The following ELSPBP1 variants were observed in gnomAD, a reference collection of about 807,000 sequenced individuals.
ELSPBP1 encodes the protein epididymal sperm binding protein 1.
ELSPBP1 carries 38 observed loss-of-function variants against 33.3 expected under a neutral mutation model. That is an observed-to-expected ratio of 1.14 (90% CI 0.88 to 1.50). The LOEUF (loss-of-function observed/expected upper bound fraction) is 1.50, where lower values mean the gene tolerates loss of function less well. Ranked by LOEUF, ELSPBP1 falls within the 40% of genes most tolerant of loss-of-function variation. The probability of loss-of-function intolerance (pLI) is 0.00; values close to 1 mark genes in which losing one functional copy is unlikely to be tolerated. For synonymous variants in ELSPBP1, 85 were observed against 94.1 expected, an observed-to-expected ratio of 0.90 and a Z score of 0.56; for missense variants, 267 against 263.5, an observed-to-expected ratio of 1.01 and a Z score of -0.09.
chr19:48,004,532 G>A (rs1452932962), intron 1 of ELSPBP1, among the ~76,000 whole-genome samples: 1 of 152,030 alleles, frequency 6.6e-6, no homozygotes, highest in South Asian at 2.1e-4. Flanking sequence ...TTTCCACGTC[G>A]GCTTCTCCTG....
In ELSPBP1 at chr19:47,994,769, G is replaced by C. The variant is rs1966898186; in HGVS notation, c.-60G>C. On this transcript the variant is annotated 5_prime_UTR_variant, in exon 1 of 7. Coordinates refer to ENST00000339841, the MANE Select transcript of ELSPBP1 (RefSeq NM_022142.5). The stretch of plus-strand genomic sequence containing the variant: ...GCTCTTGGGAGCAGAACCTTAAAGA[G>C]AGATCGTGGAGAGAGCCAGGGCCCA... 6.6e-6 allele frequency: 1 copy of C among 152,202 alleles called. No individual in the cohort carries two copies. The highest frequency in any genetic ancestry group is 1.5e-5 in the Non-Finnish European group (1 of 68,036). 9.4% of individuals were successfully genotyped at this position (152,202 alleles called of 1,614,324 possible). A position where few individuals can be genotyped will look rare whatever the true frequency, so the allele number is the denominator to read the frequency against.
At chr19:48,024,602 C>T (rs900121156) in intron 6 of ELSPBP1, among the ~76,000 whole-genome samples, 5 of 152,142 alleles carry the variant, frequency 3.3e-5, no homozygotes, top group Non-Finnish European at 7.4e-5. Flanking sequence ...GAACTCTGGG[C>T]ACCATCTTAA....
intron 1 of ELSPBP1, among the ~76,000 whole-genome samples, chr19:47,996,393 AT>A (rs1466554411): frequency 6.6e-6 from 1 of 152,196 alleles, no homozygotes; most frequent in African/African-American, 2.4e-5. Context: ...TGATGGATGG[AT>A]GATAAGAGGA....
intron 2 of ELSPBP1, among the ~76,000 whole-genome samples, chr19:48,012,113 T>C (rs75432196): frequency 6.6e-6 from 1 of 152,172 alleles, no homozygotes; most frequent in East Asian, 1.9e-4. Context: ...ACCGTTTTTG[T>C]TTTTTGTTTT....
At chr19:48,015,179 G>A (rs1967118914) in intron 3 of ELSPBP1, among the ~76,000 whole-genome samples, 2 of 152,142 alleles carry the variant, frequency 1.3e-5, no homozygotes, top group African/African-American at 4.8e-5. Context: ...GAGGAAATAT[G>A]TTTGCTATCC....
intron 1 of ELSPBP1, among the ~76,000 whole-genome samples, chr19:47,999,822 A>ATT (rs112563506): frequency 3.6e-5 from 5 of 137,300 alleles, no homozygotes; most frequent in African/African-American, 1.1e-4. Context: ...CACATACGTG[A>ATT]TTTTTTTTTT....
chr19:48,019,642 C>A, intron 4 of ELSPBP1, 77 bp from the exon 5 acceptor site: 2 of 1,433,982 alleles, frequency 1.4e-6, no homozygotes, highest in Non-Finnish European at 1.9e-6. Context: ...TAAAGCGTGG[C>A]ACAGTTTGTG....
chr19:48,010,959 A>G (rs2122311269), intron 2 of ELSPBP1, among the ~76,000 whole-genome samples: 1 of 152,302 alleles, frequency 6.6e-6, no homozygotes, highest in Non-Finnish European at 1.5e-5. Flanking sequence ...AGTATCCTAT[A>G]TACTCAGTGG....
In ELSPBP1 at chr19:48,008,674, C is replaced by G. The variant is rs767248894; in HGVS notation, c.7C>G (p.Arg3Gly). Residue 3 changes from arginine (R) to glycine (G), a missense_variant, in exon 2 of 7, where the codon CGA (arginine) becomes GGA (glycine). Transcript: ENST00000339841. MT[R>G]WSSYLLGWTT... is the part of the protein sequence containing the mutation. ...AGAGAAGAGGGCAGCCAAGATGACC[C>G]GATGGTCCAGTTACCTGTTGGGATG... 6.2e-7 allele frequency: 1 copy of G among 1,613,558 alleles called. No individual in the cohort carries two copies. Among genetic ancestry groups the G allele is most frequent in the Non-Finnish European group, 8.5e-7 (1 of 1,179,804 alleles).
intron 4 of ELSPBP1, among the ~76,000 whole-genome samples, chr19:48,016,488 CTTTCTTTCTTTCTTTCTT>C (rs1221026164): frequency 1.2e-5 from 1 of 84,648 alleles, no homozygotes; most frequent in African/African-American, 5.3e-5. Flanking sequence ...TTCTTTCTTT[CTTTCTTTCTTTCTTTCTT>C]TCTTTCTTTC....
chr19:48,010,107 T>C (rs1314692526), intron 2 of ELSPBP1, among the ~76,000 whole-genome samples: 2 of 152,122 alleles, frequency 1.3e-5, no homozygotes, highest in Admixed American at 6.6e-5. Flanking sequence ...GGAGATGCAG[T>C]GTAGCAGTGC....
chr19:47,997,772 T>C (rs1026508625), intron 1 of ELSPBP1, among the ~76,000 whole-genome samples: 2 of 152,230 alleles, frequency 1.3e-5, no homozygotes, highest in Non-Finnish European at 2.9e-5. Context: ...GGATATCCAT[T>C]ACTTTCAACA....
Position 48,015,933 on chromosome 19 carries a change from G to A in ELSPBP1, c.249G>A (p.Lys83=), listed in dbSNP as rs1425563904. Residue 83 remains lysine, a synonymous_variant, in exon 4 of 7, where the codon AAG becomes AAA. Transcript: ENST00000339841. ...RCIFPFIYRG[K]AYNSCISQGS... is the part of the protein sequence containing the mutation. ...TCTTCCCTTTCATCTATCGAGGAAA[G>A]GCTTATAACAGCTGCATCTCCCAGG... is the stretch of plus-strand genomic sequence containing the variant. 1.2e-6 allele frequency: 2 copies of A among 1,613,760 alleles called. No individual in the cohort carries two copies. Among genetic ancestry groups the A allele is most frequent in the Admixed American group, 3.3e-5 (2 of 60,004 alleles).
intron 1 of ELSPBP1, among the ~76,000 whole-genome samples, chr19:48,005,416 C>A (rs1304285274): frequency 1.3e-5 from 2 of 151,982 alleles, no homozygotes; most frequent in African/African-American, 2.4e-5. Context: ...AACCAACTGA[C>A]TGATAGAACA....
At chr19:47,997,566 G>T (rs1323101336) in intron 1 of ELSPBP1, among the ~76,000 whole-genome samples, 1 of 151,946 alleles carries the variant, frequency 6.6e-6, no homozygotes, top group Non-Finnish European at 1.5e-5. Context: ...ATTGAGGTAC[G>T]CGTGATTTTT....
chr19:48,015,269 C>T (rs1967119394), intron 3 of ELSPBP1, among the ~76,000 whole-genome samples: 1 of 152,114 alleles, frequency 6.6e-6, no homozygotes, highest in African/African-American at 2.4e-5. Context: ...AAGGGTTGGT[C>T]TCACCATCTT....
intron 5 of ELSPBP1, among the ~76,000 whole-genome samples, chr19:48,021,559 C>T (rs926680948): frequency 1.3e-5 from 2 of 152,222 alleles, no homozygotes; most frequent in Admixed American, 6.5e-5. Context: ...TCTGCCTCAG[C>T]CTCCCAAGTA....
intron 4 of ELSPBP1, 101 bp downstream of exon 4, chr19:48,016,140 A>G (rs1485170162): frequency 2.7e-5 from 37 of 1,395,434 alleles, no homozygotes; most frequent in Non-Finnish European, 3.6e-5. Flanking sequence ...CAGAGCACCC[A>G]GGGGGAAGTA....
chr19:47,998,282 G>A (rs1024169063), intron 1 of ELSPBP1, among the ~76,000 whole-genome samples: 5 of 151,994 alleles, frequency 3.3e-5, no homozygotes, highest in African/African-American at 1.2e-4. Context: ...TGCAGTGGCA[G>A]GCGCCTGTAA....
Sources: allele counts gnomAD v4.1 joint callset (sites outside exome capture counted in the v4.1 genomes callset), GRCh38; gene constraint gnomAD v4.1.1; transcripts MANE v1.5; gene names NCBI Gene and HGNC (gene_info 2026-07-23, HGNC 2026-07-21).